The following MOB3B variants were observed in gnomAD, a reference collection of about 807,000 sequenced individuals.
MOB3B encodes the protein MOB kinase activator 3B.
MOB3B carries 7 observed loss-of-function variants against 18.7 expected under a neutral mutation model. The ratio of observed to expected loss-of-function variants is 0.37; its 90% CI spans 0.21 to 0.70. MOB3B has a LOEUF of 0.70. MOB3B is among the 30% of genes least tolerant of loss of function. MOB3B has a pLI of 0.52. For missense variants in MOB3B, 253 were observed against 281.3 expected (o/e 0.90, Z 0.72); for synonymous variants, 111 against 99.9 (o/e 1.11, Z -0.66).
At chr9:27,408,563 G>A (rs1466437555) in intron 2 of MOB3B, among the ~76,000 whole-genome samples, 1 of 152,084 alleles carries the variant, frequency 6.6e-6, no homozygotes, top group East Asian at 1.9e-4. Context: ...GCATTATTTT[G>A]CATCTTGAAA....
At chr9:27,516,092 A>T (rs2131503887) in intron 1 of MOB3B, among the ~76,000 whole-genome samples, 1 of 152,358 alleles carries the variant, frequency 6.6e-6, no homozygotes, top group East Asian at 1.9e-4. Flanking sequence ...ACTAAGTACT[A>T]CCAGCAAGTA....
chr9:27,376,450 G>A (rs1307689066), intron 2 of MOB3B, among the ~76,000 whole-genome samples: 1 of 152,234 alleles, frequency 6.6e-6, no homozygotes, highest in Non-Finnish European at 1.5e-5. Context: ...CACACACTGA[G>A]TTTCCCAGAA....
intron 2 of MOB3B, among the ~76,000 whole-genome samples, chr9:27,447,136 A>T: frequency 6.6e-6 from 1 of 152,176 alleles, no homozygotes; most frequent in Non-Finnish European, 1.5e-5. Context: ...TGGGGGTGTA[A>T]GGCAGGCTAA....
At chr9:27,523,018 G>A (rs901278105) in intron 1 of MOB3B, among the ~76,000 whole-genome samples, 1 of 152,074 alleles carries the variant, frequency 6.6e-6, no homozygotes, top group Non-Finnish European at 1.5e-5. Context: ...AACTGATTTA[G>A]ACAAGAACTT....
intron 3 of MOB3B, among the ~76,000 whole-genome samples, chr9:27,341,804 G>A (rs971945908): frequency 6.6e-6 from 1 of 152,134 alleles, no homozygotes; most frequent in African/African-American, 2.4e-5. Context: ...GTTGATACTT[G>A]GCAGAGCGAG....
At chr9:27,522,242 C>CAAAAAAAAAAAAAAAAA (rs1171362204) in intron 1 of MOB3B, among the ~76,000 whole-genome samples, 32 of 56,048 alleles carry the variant, frequency 5.7e-4, no homozygotes, top group Non-Finnish European at 6.5e-4. Flanking sequence ...CCCCGTCTCA[C>CAAAAAAAAAAAAAAAAA]AAAAAAAAAA....
At chr9:27,522,045 G>A (rs1240066363) in intron 1 of MOB3B, among the ~76,000 whole-genome samples, 1 of 151,564 alleles carries the variant, frequency 6.6e-6, no homozygotes. Flanking sequence ...GATCGAGACC[G>A]TCGTCGCCAA....
At chr9:27,404,347 CTTTTTTTTTT>C (rs756275032) in intron 2 of MOB3B, among the ~76,000 whole-genome samples, 21 of 75,176 alleles carry the variant, frequency 2.8e-4, no homozygotes, top group African/African-American at 1.1e-3. Flanking sequence ...TTCTTTCTTT[CTTTTTTTTTT>C]TTTTTTTTTT....
At chr9:27,333,416 C>T (rs1159704357) in intron 3 of MOB3B, among the ~76,000 whole-genome samples, 1 of 152,106 alleles carries the variant, frequency 6.6e-6, no homozygotes, top group Non-Finnish European at 1.5e-5. Flanking sequence ...CTTTCTTCAT[C>T]AGAGCCCTCC....
At chr9:27,451,813 C>A (rs1822789330) in intron 2 of MOB3B, among the ~76,000 whole-genome samples, 1 of 152,126 alleles carries the variant, frequency 6.6e-6, no homozygotes, top group African/African-American at 2.4e-5. Flanking sequence ...CTCATGATAG[C>A]ACAAAGATCA....
chr9:27,501,983 C>A (rs1819999132), intron 1 of MOB3B, among the ~76,000 whole-genome samples: 1 of 152,166 alleles, frequency 6.6e-6, no homozygotes, highest in Non-Finnish European at 1.5e-5. Context: ...AAAACACTCA[C>A]TCTCAACAAA....
chr9:27,444,716 A>G (rs1036189011), intron 2 of MOB3B, among the ~76,000 whole-genome samples: 22 of 152,198 alleles, frequency 1.4e-4, no homozygotes, highest in South Asian at 4.1e-4. Context: ...TCAACCACTT[A>G]CTAGGAGGGT....
chr9:27,367,960 T>C (rs901795142), intron 2 of MOB3B, among the ~76,000 whole-genome samples: 1 of 152,176 alleles, frequency 6.6e-6, no homozygotes, highest in African/African-American at 2.4e-5. Context: ...GTTATTCATG[T>C]CTGAGGGCAT....
At chr9:27,369,328 G>A (rs1821382304) in intron 2 of MOB3B, among the ~76,000 whole-genome samples, 1 of 152,076 alleles carries the variant, frequency 6.6e-6, no homozygotes, top group Admixed American at 6.5e-5. Context: ...CATTATGTGG[G>A]GACAATTAAC....
intron 2 of MOB3B, among the ~76,000 whole-genome samples, chr9:27,437,407 T>A (rs936024001): frequency 1.3e-5 from 2 of 152,178 alleles, no homozygotes; most frequent in East Asian, 3.8e-4. Context: ...ATTTCGTCCT[T>A]TTTGGTAATT....
chr9:27,412,553 C>T (rs1822086530), intron 2 of MOB3B, among the ~76,000 whole-genome samples: 1 of 152,192 alleles, frequency 6.6e-6, no homozygotes, highest in Admixed American at 6.5e-5. Flanking sequence ...TTCCTCCCTC[C>T]TTCCCTCCCT....
intron 2 of MOB3B, among the ~76,000 whole-genome samples, chr9:27,424,426 C>G (rs1822298367): frequency 6.6e-6 from 1 of 152,140 alleles, no homozygotes; most frequent in Non-Finnish European, 1.5e-5. Flanking sequence ...AGGGCAGGTC[C>G]CCAGTGAGTC....
At chr9:27,448,847 C>A (rs1183949183) in intron 2 of MOB3B, among the ~76,000 whole-genome samples, 1 of 152,118 alleles carries the variant, frequency 6.6e-6, no homozygotes, top group Non-Finnish European at 1.5e-5. Context: ...ATTATGGGGG[C>A]TCTGTTATTG....
chr9:27,353,906 C>A (rs1424636543), intron 3 of MOB3B, among the ~76,000 whole-genome samples: 1 of 152,246 alleles, frequency 6.6e-6, no homozygotes, highest in Non-Finnish European at 1.5e-5. Flanking sequence ...CAGGGCCTGG[C>A]CCATTTTCTA....
Sources: gnomAD v4.1 joint callset for allele counts (sites outside exome capture counted in the v4.1 genomes callset) on GRCh38, gnomAD v4.1.1 for gene constraint, MANE v1.5 for transcripts, NCBI Gene and HGNC (gene_info 2026-07-23, HGNC 2026-07-21) for gene names.